BCOR: variants seen among roughly 807,000 people sequenced by gnomAD.
BCOR encodes the protein BCL6 corepressor.
BCOR carries 10 observed loss-of-function variants against 86.7 expected under a neutral mutation model. That is an observed-to-expected ratio of 0.12 (90% CI 0.07 to 0.20). The LOEUF is 0.20. Ranked by LOEUF, BCOR falls within the 10% of genes least tolerant of loss-of-function variation. The pLI is 1.00. For synonymous variants in BCOR, 611 were observed against 609.0 expected, an observed-to-expected ratio of 1.00 and a Z score of -0.05; for missense variants, 1,259 against 1,452.1, an observed-to-expected ratio of 0.87 and a Z score of 2.16.
At chrX:40,055,302 A>C in intron 12 of BCOR, 66 bp downstream of exon 12, 1 of 1,060,423 alleles carries the variant, frequency 9.4e-7, no homozygotes, top group Non-Finnish European at 1.3e-6. Context: ...GTCAAATTCC[A>C]ATCATCTATT....
At chrX:40,156,559 T>G (rs1938299784) in intron 1 of BCOR, among the ~76,000 whole-genome samples, 1 of 112,958 alleles carries the variant, frequency 8.9e-6, no homozygotes, top group African/African-American at 3.2e-5. Flanking sequence ...ACTGACCAGG[T>G]GGCCTCGAGG....
In BCOR at chrX:40,113,826, CTTTT is replaced by C. The variant is rs200993481; in HGVS notation, c.-40-35861_-40-35858del. Among the ~76,000 whole-genome samples, 8 of 91,815 alleles carry C rather than the reference CTTTT, an allele frequency of 8.7e-5. 1 individual carries two copies. The highest frequency in any genetic ancestry group is 3.9e-4 in the African/African-American group (7 of 18,136). 79.7% of individuals were successfully genotyped at this position (91,815 alleles called of 115,157 possible). On this transcript the variant is annotated intron_variant, in intron 1 of 14. Coordinates refer to the BCOR transcript ENST00000342274. ...ATACTTTTTTTTTCTTTCTTTCTTT[CTTTT>C]TTTTTTGAGATAGAGTCTCACTCTG...
intron 3 of BCOR, 114 bp downstream of exon 3, chrX:40,076,340 T>C (rs1935805441): frequency 1.7e-6 from 1 of 601,473 alleles, no homozygotes. Flanking sequence ...AGCCCTGCTC[T>C]GAACTGCCAC....
rs1934301576 is a variant in BCOR, at chrX:40,051,568, T to C, written c.*541A>G. The C allele has an allele frequency of 5.7e-6, 1 of 174,133 alleles. No individual in the cohort carries two copies. Among genetic ancestry groups the C allele is most frequent in the Non-Finnish European group, 1.1e-5 (1 of 91,101 alleles). The allele number at this position is 174,133 out of a possible 1,213,427, so 14.4% of individuals were successfully genotyped here. On this transcript the variant is annotated 3_prime_UTR_variant, in exon 15 of 15. Transcript: ENST00000378444. ...TTTAAATTAGGATATAAAAGTTTCA[T>C]ACAATTAGTTGTTGTGTGTGGATAT... is the stretch of plus-strand genomic sequence containing the variant.
At chrX:40,052,459 T>C in intron 14 of BCOR, 59 bp from the exon 15 acceptor site, 1 of 1,112,495 alleles carries the variant, frequency 9.0e-7, no homozygotes. Context: ...TGCGCCCAAC[T>C]ATTAATATTA....
chrX:40,074,885 C>T lies in BCOR; in HGVS notation c.461G>A (p.Gly154Glu). The T allele has an allele frequency of 8.3e-7, 1 of 1,211,145 alleles. No homozygotes were observed. Among genetic ancestry groups the T allele is most frequent in the Non-Finnish European group, 1.1e-6 (1 of 895,353 alleles). Residue 154 changes from glycine to glutamate, a missense_variant, in exon 4 of 15, where the codon GGA becomes GAA. By Grantham distance (98) the Gly-to-Glu change is moderately conservative. Coordinates refer to ENST00000378444, the MANE Select transcript of BCOR (RefSeq NM_001123385.2). ...GFSAIYKTPP[G>E]IQKSAVATAE... ...TGTGGCTACAGCACTTTTTTGTATT[C>T]CAGGCGGTGTTTTGTATATAGCACT...
rs17145652 is a variant in BCOR, at chrX:40,073,567, G to A, written c.1779C>T (p.Ser593=). 1.1e-4 allele frequency: 136 copies of A among 1,211,038 alleles called. No individual in the cohort carries two copies. The highest frequency in any genetic ancestry group is 1.5e-4 in the Non-Finnish European group (132 of 895,510). ...TSRSSVETTP[S]VIQHVGQPPA... The stretch of plus-strand genomic sequence containing the variant: ...GGGGCTGGCCCACGTGCTGAATAAC[G>A]GATGGTGTGGTTTCTACAGAGCTCC... The change falls in exon 4 of 15, where the codon TCC becomes TCT. Residue 593 remains serine (S), a synonymous_variant. Transcript: ENST00000378444.
intron 1 of BCOR, among the ~76,000 whole-genome samples, chrX:40,143,813 G>A (rs770421088): frequency 2.7e-5 from 3 of 111,982 alleles, no homozygotes; most frequent in Non-Finnish European, 5.6e-5. Flanking sequence ...AAAATTAGCC[G>A]GGCCTGGTGG....
chrX:40,074,851 C>A lies in BCOR; in HGVS notation c.495G>T (p.Ala165=), dbSNP rs1310534537. 3 of 1,209,445 alleles carry A rather than the reference C, an allele frequency of 2.5e-6. No homozygotes were observed. The highest frequency in any genetic ancestry group is 3.5e-5 in the African/African-American group (2 of 57,009). Residue 165 remains alanine (A), a synonymous_variant, in exon 4 of 15, where the codon GCG becomes GCT. Transcript: ENST00000378444. The part of the protein sequence containing the change: ...IQKSAVATAE[A]LGLDRPASDK... ...CGCTGGCAGGCCTGTCCAAGCCCAGCGCTTCTGCTGTGGCTACAGCACTTT... is the reference window on the plus strand; with the variant it reads ...CGCTGGCAGGCCTGTCCAAGCCCAGAGCTTCTGCTGTGGCTACAGCACTTT...
intron 1 of BCOR, among the ~76,000 whole-genome samples, chrX:40,174,457 T>C (rs1172378224): frequency 8.9e-6 from 1 of 112,363 alleles, no homozygotes; most frequent in Non-Finnish European, 1.9e-5. Flanking sequence ...CGAGGCCGCG[T>C]GGTGCGCAAG....
intron 1 of BCOR, among the ~76,000 whole-genome samples, chrX:40,163,409 T>G (rs1171073843): frequency 8.9e-6 from 1 of 111,792 alleles, no homozygotes; most frequent in Non-Finnish European, 1.9e-5. Context: ...TAGGCTCTAT[T>G]TCTTTTACCC....
At chrX:40,105,749 A>C (rs961882308) in intron 1 of BCOR, among the ~76,000 whole-genome samples, 1 of 112,407 alleles carries the variant, frequency 8.9e-6, no homozygotes, top group African/African-American at 3.2e-5. Flanking sequence ...AGGAGCAGCC[A>C]AGCCTCGGCC....
At chrX:40,086,075 A>G (rs759638579) in intron 1 of BCOR, among the ~76,000 whole-genome samples, 1 of 111,757 alleles carries the variant, frequency 8.9e-6, no homozygotes, top group East Asian at 2.8e-4. Context: ...GAAGGCTTGG[A>G]AGAAAAGGTT....
At chrX:40,081,923 G>A (rs1482027764) in intron 1 of BCOR, among the ~76,000 whole-genome samples, 2 of 112,525 alleles carry the variant, frequency 1.8e-5, no homozygotes, top group Non-Finnish European at 3.8e-5. Context: ...AGAAGCAGGC[G>A]TGCACACTGC....
upstream of BCOR, among the ~76,000 whole-genome samples, chrX:40,100,993 G>A (rs1602220270): frequency 9.1e-6 from 1 of 109,603 alleles, no homozygotes; most frequent in Non-Finnish European, 1.9e-5. Context: ...ATCTTATTAA[G>A]GGAGTCCTAA....
At chrX:40,061,175 C>T (rs762439695) in intron 10 of BCOR, among the ~76,000 whole-genome samples, 2 of 106,449 alleles carry the variant, frequency 1.9e-5, no homozygotes, top group South Asian at 1.0e-3. Flanking sequence ...AGAGCTGATG[C>T]CAGCATAAAA....
At chrX:40,062,525 G>A in intron 9 of BCOR, 132 bp from the exon 10 acceptor site, 2 of 931,276 alleles carry the variant, frequency 2.1e-6, no homozygotes, top group East Asian at 3.4e-5. Context: ...TTTGGGGGTG[G>A]GGGGTGCCTG....
At chrX:40,062,101 C>G (rs751771175) in intron 10 of BCOR, 38 bp downstream of exon 10, 3 of 1,177,752 alleles carry the variant, frequency 2.5e-6, no homozygotes, top group Non-Finnish European at 3.4e-6. Context: ...GCCCCGCCCC[C>G]CAGCCTGCAG....
intron 12 of BCOR, 59 bp from the exon 13 acceptor site, chrX:40,054,392 G>T: frequency 1.0e-6 from 1 of 979,685 alleles, no homozygotes; most frequent in South Asian, 2.0e-5. Flanking sequence ...ACAAAATGAT[G>T]GCAGAGCCAC....
Sources: allele counts gnomAD v4.1 joint callset (sites outside exome capture counted in the v4.1 genomes callset), GRCh38; gene constraint gnomAD v4.1.1; transcripts MANE v1.5; gene names NCBI Gene and HGNC (gene_info 2026-07-23, HGNC 2026-07-21).